EPS15: variants seen among roughly 807,000 people sequenced by gnomAD.
The protein encoded by EPS15 is epidermal growth factor receptor substrate 15.
EPS15 carries 72 observed loss-of-function variants against 113.8 expected under a neutral mutation model. The ratio of observed to expected loss-of-function variants is 0.63; its 90% CI spans 0.52 to 0.77. The LOEUF (loss-of-function observed/expected upper bound fraction) is 0.77, where lower values mean the gene tolerates loss of function less well. Among genes scored for constraint, EPS15 ranks in the 30% least tolerant of loss-of-function variants. EPS15 has a pLI of 0.00. For missense variants in EPS15, 1,048 were observed against 1,045.8 expected (o/e 1.00, Z -0.03); for synonymous variants, 344 against 363.4 (o/e 0.95, Z 0.61).
intron 1 of EPS15, among the ~76,000 whole-genome samples, chr1:51,515,258 TA>T (rs879334673): frequency 1.4e-3 from 196 of 145,164 alleles, no homozygotes; most frequent in Admixed American, 1.4e-3. Flanking sequence ...TTTATTACTT[TA>T]AAAAAAAAAA....
chr1:51,406,950 T>C (rs1649189250), intron 15 of EPS15, among the ~76,000 whole-genome samples: 1 of 152,218 alleles, frequency 6.6e-6, no homozygotes, highest in Admixed American at 6.5e-5. Flanking sequence ...ATATCTTGCA[T>C]GACGAATGAG....
intron 12 of EPS15, chr1:51,423,344 C>T (rs1214736732): frequency 8.7e-7 from 1 of 1,146,196 alleles, no homozygotes; most frequent in Non-Finnish European, 1.1e-6. Context: ...CCACCTCCAA[C>T]CCTTATATAA....
chr1:51,372,474 G>C (rs1646680850), intron 21 of EPS15: 3 of 533,452 alleles, frequency 5.6e-6, no homozygotes, highest in Admixed American at 1.9e-5. Context: ...CTGGTTTTTA[G>C]ACCATGATTA....
At chr1:51,390,374 C>G (rs1647242497) in intron 21 of EPS15, among the ~76,000 whole-genome samples, 1 of 152,022 alleles carries the variant, frequency 6.6e-6, no homozygotes, top group Non-Finnish European at 1.5e-5. Flanking sequence ...AGAAGAAAAC[C>G]TAGGCATCAC....
In EPS15 at chr1:51,381,161, C is replaced by A. The variant is rs181169553; in HGVS notation, c.2119+13220G>T. Among the ~76,000 whole-genome samples, 349 of 152,282 alleles carry A rather than the reference C, an allele frequency of 2.3e-3. 1 individual carries two copies. Among genetic ancestry groups the A allele is most frequent in the Non-Finnish European group, 4.0e-3 (273 of 68,024 alleles). The stretch of plus-strand genomic sequence containing the variant: ...AACACTTTAGATCAACTGGACCTAA[C>A]AGATATATACAGAACACTCCACCCA... On this transcript the variant is annotated intron_variant, in intron 21 of 24. Coordinates refer to ENST00000371733, the MANE Select transcript of EPS15 (RefSeq NM_001981.3).
At chr1:51,461,333 T>C (rs1306963155) in intron 7 of EPS15, among the ~76,000 whole-genome samples, 183 bp from the exon 8 acceptor site, 2 of 151,506 alleles carry the variant, frequency 1.3e-5, no homozygotes, top group Non-Finnish European at 2.9e-5. Flanking sequence ...CTAGGAAACA[T>C]AACGAGATCC....
intron 24 of EPS15, among the ~76,000 whole-genome samples, chr1:51,357,407 TATATATATATATATATATA>T (rs1557761394): frequency 9.0e-5 from 5 of 55,602 alleles, no homozygotes; most frequent in African/African-American, 5.2e-4. Flanking sequence ...TATATATATA[TATATATATATATATATATA>T]TTTTTTTTTT....
chr1:51,517,927 T>C (rs1570471341), intron 1 of EPS15, among the ~76,000 whole-genome samples: 1 of 152,182 alleles, frequency 6.6e-6, no homozygotes, highest in East Asian at 1.9e-4. Flanking sequence ...CCAAAGCCTC[T>C]TGATTTTAAA....
At chr1:51,513,776 T>C (rs912047004) in intron 1 of EPS15, among the ~76,000 whole-genome samples, 41 of 152,342 alleles carry the variant, frequency 2.7e-4, no homozygotes, top group African/African-American at 9.9e-4. Flanking sequence ...AAATTATAAA[T>C]TAGTCCTCTA....
At chr1:51,456,689 C>T (rs994588563) in intron 8 of EPS15, among the ~76,000 whole-genome samples, 2 of 152,042 alleles carry the variant, frequency 1.3e-5, no homozygotes, top group Non-Finnish European at 2.9e-5. Context: ...TATCAGCTCT[C>T]AAAATTCAGT....
At chr1:51,513,711 A>G (rs1409394653) in intron 1 of EPS15, among the ~76,000 whole-genome samples, 2 of 152,198 alleles carry the variant, frequency 1.3e-5, no homozygotes, top group Admixed American at 6.5e-5. Context: ...TGAAATGATG[A>G]TAATAATAGC....
chr1:51,418,443 GCA>G (rs1650444132), intron 13 of EPS15, among the ~76,000 whole-genome samples: 2 of 152,066 alleles, frequency 1.3e-5, no homozygotes, highest in Admixed American at 6.6e-5. Context: ...GGGAGAAAAT[GCA>G]CAGTGTGGTA....
chr1:51,413,082 C>T (rs1009784776), intron 13 of EPS15, among the ~76,000 whole-genome samples: 1 of 152,102 alleles, frequency 6.6e-6, no homozygotes, highest in Non-Finnish European at 1.5e-5. Context: ...CACCTGTGTC[C>T]CAGCCTCAGA....
intron 8 of EPS15, among the ~76,000 whole-genome samples, chr1:51,454,399 T>C (rs965446390): frequency 1.3e-5 from 2 of 152,176 alleles, no homozygotes; most frequent in Non-Finnish European, 2.9e-5. Flanking sequence ...AGGGAAAAAG[T>C]AACTTTACAG....
At chr1:51,461,067 T>C in intron 8 of EPS15, 24 bp downstream of exon 8, 3 of 1,466,472 alleles carry the variant, frequency 2.0e-6, no homozygotes, top group Non-Finnish European at 2.9e-6. Flanking sequence ...ATAATGAAGA[T>C]GTTAAGAACA....
intron 11 of EPS15, 59 bp downstream of exon 11, chr1:51,444,829 TC>T: frequency 6.9e-7 from 1 of 1,452,694 alleles, no homozygotes; most frequent in South Asian, 1.2e-5. Context: ...AATCTGTAAT[TC>T]GACATAGTAT....
At chr1:51,517,455 C>T (rs1644742649) in intron 1 of EPS15, among the ~76,000 whole-genome samples, 1 of 151,916 alleles carries the variant, frequency 6.6e-6, no homozygotes, top group Admixed American at 6.6e-5. Context: ...ATGGTATTAC[C>T]CAGGGAGAGA....
At position 51,402,485 on chromosome 1, in the gene EPS15, G is replaced by T; in HGVS notation, c.1832C>A (p.Pro611Gln). ...FNVDSSSLTG[P>Q]VADTNLDFFQ... The stretch of plus-strand genomic sequence containing the variant: ...AAAATCCAAGTTTGTATCTGCAACT[G>T]GACCTGTCAGCGAACTTGAGTCTAC... Residue 611 changes from proline to glutamine, a missense_variant, in exon 18 of 25, where the codon CCA (proline) becomes CAA (glutamine). Pro to Gln is a moderately conservative substitution (Grantham distance 76). Coordinates refer to ENST00000371733, the MANE Select transcript of EPS15 (RefSeq NM_001981.3). The T allele has an allele frequency of 6.3e-7, 1 of 1,589,110 alleles. No individual in the cohort carries two copies.
intron 19 of EPS15, among the ~76,000 whole-genome samples, chr1:51,400,377 A>T (rs564134301): frequency 7.9e-5 from 12 of 152,256 alleles, no homozygotes; most frequent in African/African-American, 2.6e-4. Context: ...ACCAAAGTCT[A>T]AACACTAATG....
Sources: gnomAD v4.1 joint callset for allele counts (sites outside exome capture counted in the v4.1 genomes callset) on GRCh38, gnomAD v4.1.1 for gene constraint, MANE v1.5 for transcripts, NCBI Gene and HGNC (gene_info 2026-07-23, HGNC 2026-07-21) for gene names.